GRIK1: variants seen among roughly 807,000 people sequenced by gnomAD.
The protein encoded by GRIK1 is glutamate receptor ionotropic, kainate 1.
A neutral mutation model predicts 105.7 loss-of-function variants in GRIK1; 69 were observed. The observed-to-expected ratio is 0.65, with a 90% CI of 0.54 to 0.80. The LOEUF is 0.80. Among genes scored for constraint, GRIK1 ranks in the 30% least tolerant of loss-of-function variants. The pLI is 0.00. For missense variants in GRIK1, 1,109 were observed against 1,167.3 expected (o/e 0.95, Z 0.73); for synonymous variants, 438 against 431.3 (o/e 1.02, Z -0.19).
At chr21:29,909,436 C>T (rs1432230391) in intron 1 of GRIK1, among the ~76,000 whole-genome samples, 1 of 151,144 alleles carries the variant, frequency 6.6e-6, no homozygotes, top group East Asian at 1.9e-4. Flanking sequence ...ACATTATGTT[C>T]TACTAATTAA....
intron 1 of GRIK1, among the ~76,000 whole-genome samples, chr21:29,873,908 CTG>C (rs1353693902): frequency 1.3e-5 from 2 of 152,174 alleles, no homozygotes; most frequent in East Asian, 3.9e-4. Context: ...CGGGATGAAA[CTG>C]TTCCACCTCA....
intron 1 of GRIK1, among the ~76,000 whole-genome samples, chr21:29,797,951 A>G (rs1349835668): frequency 2.0e-5 from 3 of 152,278 alleles, no homozygotes; most frequent in African/African-American, 7.2e-5. Context: ...AAAAACAAAT[A>G]AAGTCTGTTT....
intron 1 of GRIK1, among the ~76,000 whole-genome samples, chr21:29,763,104 T>C (rs528764550): frequency 1.1e-4 from 16 of 152,336 alleles, no homozygotes; most frequent in Admixed American, 6.5e-4. Context: ...TCTTGAATTG[T>C]AATCTCCATG....
chr21:29,876,649 G>A (rs532693986), intron 1 of GRIK1, among the ~76,000 whole-genome samples: 34 of 152,112 alleles, frequency 2.2e-4, no homozygotes, highest in Non-Finnish European at 3.8e-4. Flanking sequence ...ATTAAATCAC[G>A]TAGTTATGCT....
At position 29,549,490 on chromosome 21, in the gene GRIK1, A is replaced by T. The variant is rs140188499; in HGVS notation, c.2607+5562T>A. ...AGCTAATTTTTATGAAAACTAATGT[A>T]TACAACTAGTTTTAGTCATTCACTT... On this transcript the variant is annotated intron_variant, in intron 16 of 17. Coordinates refer to ENST00000327783, the MANE Select transcript of GRIK1 (RefSeq NM_001330994.2). Among the ~76,000 whole-genome samples the T allele has an allele frequency of 2.0e-4, 31 of 152,330 alleles. No homozygotes were observed. The East Asian group carries it at 5.8e-3, about 28-fold the overall frequency.
At chr21:29,678,591 CTGGTCAAAGAA>C (rs2146668190) in intron 3 of GRIK1, among the ~76,000 whole-genome samples, 1 of 152,202 alleles carries the variant, frequency 6.6e-6, no homozygotes, top group African/African-American at 2.4e-5. Context: ...AAGTAAGGTT[CTGGTCAAAGAA>C]CCGAGGTGGG....
At chr21:29,645,215 G>A (rs2146535818) in intron 6 of GRIK1, among the ~76,000 whole-genome samples, 1 of 152,300 alleles carries the variant, frequency 6.6e-6, no homozygotes, top group South Asian at 2.1e-4. Context: ...TTGTAGAGAG[G>A]TAGAATAACT....
intron 1 of GRIK1, among the ~76,000 whole-genome samples, chr21:29,907,968 T>A (rs1024976121): frequency 2.6e-5 from 4 of 152,158 alleles, no homozygotes; most frequent in Non-Finnish European, 1.5e-5. Flanking sequence ...TATTCATTTT[T>A]AAAAATATCT....
intron 6 of GRIK1, among the ~76,000 whole-genome samples, chr21:29,649,799 T>C (rs1361827159): frequency 1.3e-5 from 2 of 152,152 alleles, no homozygotes; most frequent in African/African-American, 4.8e-5. Context: ...GTAACTCTTT[T>C]AGTGGTATAT....
intron 1 of GRIK1, among the ~76,000 whole-genome samples, chr21:29,703,255 AG>A (rs1305742746): frequency 6.6e-6 from 1 of 152,212 alleles, no homozygotes; most frequent in African/African-American, 2.4e-5. Context: ...ACAATCTGTG[AG>A]GTCATCCAGG....
rs1568814010 is a variant in GRIK1 at position 29,560,390 on chromosome 21, TTCCTTCCTTC to T, written c.2356+1224_2356+1233del. ...CTTCCTTCCTTCCTTCCTTCCTTCCTTCCTTCCTTCCTTTCTTTCTTTCTTTCTTTCTTTC... is the reference window on the plus strand; with the variant it reads ...CTTCCTTCCTTCCTTCCTTCCTTCCTCTTTCTTTCTTTCTTTCTTTCTTTC... On this transcript the variant is annotated intron_variant, in intron 15 of 17. Transcript: ENST00000327783. Among the ~76,000 whole-genome samples the T allele has an allele frequency of 1.9e-3, 188 of 98,604 alleles. 22 individuals carry two copies. Among genetic ancestry groups the T allele is most frequent in the Middle Eastern group, 0.014 (3 of 220 alleles). The allele number at this position is 98,604 out of a possible 152,430, so 64.7% of individuals were successfully genotyped here.
At chr21:29,793,945 C>T (rs2145830926) in intron 1 of GRIK1, among the ~76,000 whole-genome samples, 1 of 152,284 alleles carries the variant, frequency 6.6e-6, no homozygotes, top group East Asian at 1.9e-4. Flanking sequence ...TCCATTTCAG[C>T]ATGGCTCTGT....
chr21:29,860,469 A>C (rs899457959), intron 1 of GRIK1, among the ~76,000 whole-genome samples: 2 of 152,238 alleles, frequency 1.3e-5, no homozygotes, highest in African/African-American at 2.4e-5. Context: ...TCCTCATCTT[A>C]GATCTGCAAG....
chr21:29,648,069 A>G (rs2062654572), intron 6 of GRIK1, among the ~76,000 whole-genome samples: 1 of 152,192 alleles, frequency 6.6e-6, no homozygotes, highest in South Asian at 2.1e-4. Context: ...GAGGATTTTT[A>G]GTGTATGAAA....
Position 29,835,009 on chromosome 21 carries a change from G to C in GRIK1, c.118+104374C>G, listed in dbSNP as rs143185807. On this transcript the variant is annotated intron_variant, in intron 1 of 17. Transcript: ENST00000327783. ...ATTTTCACACTCAGTCTTCCTGTGG[G>C]CATAGCGTTTCTACTATGCTCTTTC... Among the ~76,000 whole-genome samples, 9 of 152,002 alleles carry C rather than the reference G, an allele frequency of 5.9e-5. 1 individual carries two copies. In the South Asian group the frequency reaches 1.7e-3, roughly 28 times the overall value.
chr21:29,785,676 A>G (rs2066241456), intron 1 of GRIK1, among the ~76,000 whole-genome samples: 1 of 151,920 alleles, frequency 6.6e-6, no homozygotes. Context: ...TCCTTATGTG[A>G]CAGCTTTTTG....
chr21:29,738,884 C>T (rs564851078), intron 1 of GRIK1, among the ~76,000 whole-genome samples: 40 of 152,284 alleles, frequency 2.6e-4, no homozygotes, highest in African/African-American at 9.4e-4. Flanking sequence ...AACAATAATG[C>T]AGCCTTTTGT....
intron 8 of GRIK1, 96 bp from the exon 9 acceptor site, chr21:29,596,666 G>T: frequency 1.2e-6 from 1 of 858,500 alleles, no homozygotes. Flanking sequence ...TGCTTAGAGT[G>T]TTACAGTTCC....
intron 1 of GRIK1, among the ~76,000 whole-genome samples, chr21:29,773,026 T>C (rs1004487966): frequency 6.6e-6 from 1 of 152,212 alleles, no homozygotes; most frequent in Non-Finnish European, 1.5e-5. Flanking sequence ...ATGGTGGTGA[T>C]GTTGAGGGAG....
Sources: gnomAD v4.1 joint callset for allele counts (sites outside exome capture counted in the v4.1 genomes callset) on GRCh38, gnomAD v4.1.1 for gene constraint, MANE v1.5 for transcripts, NCBI Gene and HGNC (gene_info 2026-07-23, HGNC 2026-07-21) for gene names.